BCAS3: variants seen among roughly 807,000 people sequenced by gnomAD.
BCAS3 encodes BCAS4/BCAS3 fusion.
In BCAS3, 53 loss-of-function variants were observed where a neutral mutation model predicts 116.1. That is an observed-to-expected ratio of 0.46 (90% CI 0.37 to 0.57). The LOEUF (loss-of-function observed/expected upper bound fraction) is 0.57. Ranked by LOEUF, BCAS3 falls within the 20% of genes least tolerant of loss-of-function variation. BCAS3 has a pLI of 0.00. For synonymous variants in BCAS3, 391 were observed against 408.2 expected (o/e 0.96, Z 0.51); for missense variants, 917 against 1,165.4 (o/e 0.79, Z 3.10).
At chr17:60,881,217 G>T (rs1311914881) in intron 9 of BCAS3, among the ~76,000 whole-genome samples, 2 of 151,984 alleles carry the variant, frequency 1.3e-5, no homozygotes, top group South Asian at 2.1e-4. Context: ...CTTGTGATCC[G>T]CCCACCTCGG....
chr17:60,952,290 C>T (rs969810310), intron 14 of BCAS3, among the ~76,000 whole-genome samples: 6 of 151,366 alleles, frequency 4.0e-5, no homozygotes, highest in Admixed American at 6.6e-5. Context: ...GAAGTCTTAT[C>T]TTTTAAATTT....
At chr17:60,938,711 A>AAGATAGATAGATAGATAGAT (rs77328962) in intron 13 of BCAS3, among the ~76,000 whole-genome samples, 4 of 146,570 alleles carry the variant, frequency 2.7e-5, no homozygotes, top group African/African-American at 5.1e-5. Flanking sequence ...TTTCTGATAG[A>AAGATAGATAGATAGATAGAT]AGATAGATAG....
intron 13 of BCAS3, among the ~76,000 whole-genome samples, chr17:60,939,520 A>AGATT (rs2060117026): frequency 6.6e-6 from 1 of 152,252 alleles, no homozygotes; most frequent in African/African-American, 2.4e-5. Context: ...CTAGTCAGCA[A>AGATT]TATAAATCAA....
rs574686150 is a variant in BCAS3, at chr17:61,236,975, T to C, written c.2426-131352T>C. ...GTAGAATAGCCTCTGCATAGCGGAC[T>C]TAGGATGCCAGGCCTGAGAGTGGAC... On this transcript the variant is annotated intron_variant, in intron 22 of 23. Transcript: ENST00000407086. Among the ~76,000 whole-genome samples, 18 of 152,258 alleles carry C rather than the reference T, an allele frequency of 1.2e-4. 1 individual carries two copies. In the South Asian group the frequency reaches 3.1e-3, roughly 26 times the overall value.
At chr17:60,732,761 C>G (rs1264605830) in intron 5 of BCAS3, among the ~76,000 whole-genome samples, 3 of 152,150 alleles carry the variant, frequency 2.0e-5, no homozygotes, top group Non-Finnish European at 4.4e-5. Context: ...ATCGCTTGAA[C>G]CTGGGAGGCG....
In BCAS3 at chr17:61,364,836, G is replaced by A. The variant is rs2058642357; in HGVS notation, c.2426-3491G>A. Reference sequence around the variant, plus strand: ...TCCAGATCTGTTGCTCAGAGACTTTGAACATGTCACGTAACTTCTCAGAGC... The same window carrying A: ...TCCAGATCTGTTGCTCAGAGACTTTAAACATGTCACGTAACTTCTCAGAGC... On this transcript the variant is annotated intron_variant, in intron 22 of 23. Transcript: ENST00000407086. The surrounding 1 kb of genome is among the most constrained non-coding windows in gnomAD (Gnocchi z 5.4). Among the ~76,000 whole-genome samples the A allele has an allele frequency of 6.6e-6, 1 of 152,220 alleles. No homozygotes were observed. The highest frequency in any genetic ancestry group is 6.5e-5 in the Admixed American group (1 of 15,280).
intron 22 of BCAS3, among the ~76,000 whole-genome samples, chr17:61,103,660 C>T (rs2074467127): frequency 6.6e-6 from 1 of 152,134 alleles, no homozygotes; most frequent in Admixed American, 6.6e-5. Flanking sequence ...GTGTGTTTTT[C>T]ACTCCATCTT....
chr17:61,245,645 A>G (rs984887312), intron 22 of BCAS3, among the ~76,000 whole-genome samples: 3 of 152,202 alleles, frequency 2.0e-5, no homozygotes, highest in African/African-American at 7.2e-5. Context: ...ATATGTTCAA[A>G]TCAAAGTTGT....
Position 60,896,849 on chromosome 17 carries a change from CTT to C in BCAS3, c.739-5769_739-5768del. Reference sequence around the variant, plus strand: ...TCAAAGTCATTATTAATATGTGAGACTTTGTTCTTATATTGTTGATTGTTTTC... The same window carrying C: ...TCAAAGTCATTATTAATATGTGAGACTGTTCTTATATTGTTGATTGTTTTC... On this transcript the variant is annotated intron_variant, in intron 10 of 23. Coordinates refer to ENST00000407086, the MANE Select transcript of BCAS3 (RefSeq NM_017679.5). 3.3e-5 allele frequency among the ~76,000 whole-genome samples: 5 copies of C among 152,112 alleles called. No individual in the cohort carries two copies. In the East Asian group the frequency reaches 9.7e-4, roughly 29 times the overall value.
In BCAS3 at chr17:61,049,766, C is replaced by T. The variant is rs1190814341; in HGVS notation, c.2029+8874C>T. 5.7e-5 allele frequency among the ~76,000 whole-genome samples: 7 copies of T among 122,306 alleles called. No homozygotes were observed. The East Asian group carries it at 1.4e-3, about 25-fold the overall frequency. The allele number at this position is 122,306 out of a possible 152,430, so 80.2% of individuals were successfully genotyped here. A position where few individuals can be genotyped will look rare whatever the true frequency, so the allele number is the denominator to read the frequency against. ...TTTTTTTTTGAGACGGAGTTTCACTCTTGTTGCCCAGGCTAGAGTGCAATG... is the reference window on the plus strand; with the variant it reads ...TTTTTTTTTGAGACGGAGTTTCACTTTTGTTGCCCAGGCTAGAGTGCAATG... On this transcript the variant is annotated intron_variant, in intron 19 of 23. Transcript: ENST00000407086.
At position 61,387,559 on chromosome 17, in the gene BCAS3, T is replaced by C. The variant is rs766819614; in HGVS notation, c.2594-4418T>C. On this transcript the variant is annotated intron_variant, in intron 23 of 23. Transcript: ENST00000407086. The surrounding 1 kb of genome is among the most constrained non-coding windows in gnomAD (Gnocchi z 6.2). ...TTGTTTCATGAGAGCGGAGGCACCTTTCCTTCAGTTGCTACTCATTCATCA... is the reference window on the plus strand; with the variant it reads ...TTGTTTCATGAGAGCGGAGGCACCTCTCCTTCAGTTGCTACTCATTCATCA... Among the ~76,000 whole-genome samples the C allele has an allele frequency of 6.6e-6, 1 of 152,116 alleles. No individual in the cohort carries two copies. The highest frequency in any genetic ancestry group is 1.5e-5 in the Non-Finnish European group (1 of 68,022).
chr17:61,195,319 C>T (rs2080411856), intron 22 of BCAS3, among the ~76,000 whole-genome samples: 1 of 152,110 alleles, frequency 6.6e-6, no homozygotes, highest in African/African-American at 2.4e-5. Context: ...TATACTCTTT[C>T]CACCAAACAC....
At chr17:60,843,883 T>G (rs2052229527) in intron 7 of BCAS3, among the ~76,000 whole-genome samples, 1 of 152,234 alleles carries the variant, frequency 6.6e-6, no homozygotes, top group African/African-American at 2.4e-5. Flanking sequence ...TCAGTAGGTG[T>G]CTTTACCTAC....
At position 61,072,435 on chromosome 17, in the gene BCAS3, G is replaced by A. The variant is rs536615859; in HGVS notation, c.2030-2485G>A. On this transcript the variant is annotated intron_variant, in intron 19 of 23. Coordinates refer to ENST00000407086, the MANE Select transcript of BCAS3 (RefSeq NM_017679.5). Reference sequence around the variant, plus strand: ...CTATTTTGATGATGGATAAATAAGTGTCCAGCCATTCTAGTGCCGTTACTT... The same window carrying A: ...CTATTTTGATGATGGATAAATAAGTATCCAGCCATTCTAGTGCCGTTACTT... Among the ~76,000 whole-genome samples, 7 of 152,066 alleles carry A rather than the reference G, an allele frequency of 4.6e-5. No individual in the cohort carries two copies. In the South Asian group the frequency reaches 1.5e-3, roughly 32 times the overall value.
intron 7 of BCAS3, among the ~76,000 whole-genome samples, chr17:60,840,641 C>T (rs767509736): frequency 9.9e-5 from 15 of 152,076 alleles, no homozygotes; most frequent in Non-Finnish European, 1.9e-4. Flanking sequence ...TTTTGTCTTA[C>T]GTAGAAACCG....
At chr17:60,716,962 G>C (rs1000528216) in intron 5 of BCAS3, among the ~76,000 whole-genome samples, 1 of 152,150 alleles carries the variant, frequency 6.6e-6, no homozygotes, top group Non-Finnish European at 1.5e-5. Flanking sequence ...TCTCTTTGTG[G>C]AATTTCCATT....
chr17:61,206,249 A>G (rs1205762450), intron 22 of BCAS3, among the ~76,000 whole-genome samples: 1 of 152,320 alleles, frequency 6.6e-6, no homozygotes, highest in East Asian at 1.9e-4. Context: ...CTAATTAAAC[A>G]CAGTGGAACC....
intron 5 of BCAS3, chr17:60,727,370 C>G (rs2039992340): frequency 6.4e-7 from 1 of 1,563,268 alleles, no homozygotes; most frequent in African/African-American, 1.4e-5. Flanking sequence ...ATCATAGCGC[C>G]TCTTTCCCTG....
chr17:61,045,849 C>CTCTCTCTCTCTCTCTCTA (rs1247914760), intron 19 of BCAS3, among the ~76,000 whole-genome samples: 2 of 7,938 alleles, frequency 2.5e-4, no homozygotes, highest in African/African-American at 2.3e-3. Context: ...CTCTCTCTCT[C>CTCTCTCTCTCTCTCTCTA]TATATATATA....
Sources: allele counts gnomAD v4.1 joint callset (sites outside exome capture counted in the v4.1 genomes callset), GRCh38; gene constraint gnomAD v4.1.1; non-coding constraint Gnocchi (gnomAD v3.1); transcripts MANE v1.5; gene names NCBI Gene and HGNC (gene_info 2026-07-23, HGNC 2026-07-21).